Variants in RNLS observed in about 807,000 individuals in gnomAD.
The protein encoded by RNLS is renalase.
A neutral mutation model predicts 39.8 loss-of-function variants in RNLS; 39 were observed. That is an observed-to-expected ratio of 0.98 (90% CI 0.76 to 1.28). RNLS has a LOEUF of 1.28. Among genes scored for constraint, RNLS ranks in the 50% most tolerant of loss-of-function variants. RNLS has a pLI of 0.00. For missense variants in RNLS, 410 were observed against 413.3 expected (o/e 0.99, Z 0.07); for synonymous variants, 147 against 150.7 (o/e 0.98, Z 0.18).
the RNLS span, among the ~76,000 whole-genome samples, chr10:88,188,576 T>C: frequency 6.6e-6 from 1 of 152,230 alleles, no homozygotes; most frequent in African/African-American, 2.4e-5. Flanking sequence ...GCTGCAAGGG[T>C]GCATTGTATA....
At chr10:88,467,243 G>T (rs373162523) in intron 4 of RNLS, among the ~76,000 whole-genome samples, 1 of 150,902 alleles carries the variant, frequency 6.6e-6, no homozygotes, top group Admixed American at 6.6e-5. Context: ...AAAAGGAAAA[G>T]TTTTTTTCAA....
chr10:88,231,676 G>T, the RNLS span, among the ~76,000 whole-genome samples: 3 of 152,108 alleles, frequency 2.0e-5, no homozygotes, highest in Non-Finnish European at 4.4e-5. Context: ...GGGGCGTAAG[G>T]CTGAAACCCC....
rs937879616 is a variant in RNLS at position 88,583,248 on chromosome 10, C to T, written c.-58G>A. The stretch of plus-strand genomic sequence containing the variant: ...CTGCGGCGGGGCCGTTCGGCCCGGG[C>T]TTTCTGGAAAGGCGGCCGAACCGGC... On this transcript the variant is annotated 5_prime_UTR_variant, in exon 1 of 7. Coordinates refer to ENST00000331772, the MANE Select transcript of RNLS (RefSeq NM_001031709.3). 7.3e-5 allele frequency: 117 copies of T among 1,599,386 alleles called. No individual in the cohort carries two copies. The highest frequency in any genetic ancestry group is 1.8e-4 in the Middle Eastern group (1 of 5,708).
intron 4 of RNLS, among the ~76,000 whole-genome samples, chr10:88,413,107 C>A (rs1391657419): frequency 1.3e-5 from 2 of 152,118 alleles, no homozygotes; most frequent in African/African-American, 4.8e-5. Flanking sequence ...TCATATAATG[C>A]ATCGAGGTGG....
At chr10:88,449,716 T>C (rs1200889884) in intron 4 of RNLS, among the ~76,000 whole-genome samples, 1 of 152,130 alleles carries the variant, frequency 6.6e-6, no homozygotes, top group Non-Finnish European at 1.5e-5. Flanking sequence ...AGTTAAGACA[T>C]TAGAGGACAA....
the RNLS span, among the ~76,000 whole-genome samples, chr10:88,188,118 G>A: frequency 1.3e-5 from 2 of 152,042 alleles, no homozygotes; most frequent in African/African-American, 2.4e-5. Context: ...CTGCAGTGGT[G>A]CAATCTCAGC....
chr10:88,264,059 G>A, the RNLS span, among the ~76,000 whole-genome samples: 4 of 152,150 alleles, frequency 2.6e-5, no homozygotes, highest in African/African-American at 9.7e-5. Context: ...TTATGAGTGA[G>A]AACATATGAC....
At chr10:88,500,447 C>T (rs1456153914) in intron 4 of RNLS, among the ~76,000 whole-genome samples, 1 of 152,132 alleles carries the variant, frequency 6.6e-6, no homozygotes, top group Non-Finnish European at 1.5e-5. Context: ...GGAGTCAGTT[C>T]TGGACTCTTG....
intron 3 of RNLS, among the ~76,000 whole-genome samples, chr10:88,575,153 TATATATACACACACAC>T (rs1184511880): frequency 3.8e-5 from 2 of 52,296 alleles, no homozygotes; most frequent in East Asian, 1.4e-3. Flanking sequence ...TATATATATA[TATATATACACACACAC>T]ACACACACAC....
chr10:88,241,636 C>T, the RNLS span, among the ~76,000 whole-genome samples: 6 of 152,286 alleles, frequency 3.9e-5, no homozygotes, highest in Admixed American at 2.0e-4. Context: ...GACACCACCA[C>T]AAGAGTAATT....
chr10:88,289,570 C>T (rs1407448647), intron 6 of RNLS, among the ~76,000 whole-genome samples: 9 of 152,072 alleles, frequency 5.9e-5, no homozygotes, highest in Admixed American at 4.6e-4. Flanking sequence ...TGCTATTTTG[C>T]ACTGTAATGA....
chr10:88,453,151 A>G (rs1469280487), intron 4 of RNLS, among the ~76,000 whole-genome samples: 1 of 152,242 alleles, frequency 6.6e-6, no homozygotes, highest in Admixed American at 6.5e-5. Context: ...GCAAGCGGGT[A>G]TGAATGGTTG....
the RNLS span, among the ~76,000 whole-genome samples, chr10:88,230,492 TGTC>T: frequency 2.1e-3 from 326 of 152,278 alleles, no homozygotes; most frequent in African/African-American, 7.3e-3. Flanking sequence ...CCCGTCTTTC[TGTC>T]GTGCCTTCTT....
At chr10:88,422,988 A>T (rs1463928591) in intron 4 of RNLS, among the ~76,000 whole-genome samples, 2 of 152,110 alleles carry the variant, frequency 1.3e-5, no homozygotes, top group Admixed American at 1.3e-4. Context: ...GCCTCAAGTG[A>T]TCCACCCACC....
At chr10:88,376,370 T>C (rs1850997163) in intron 4 of RNLS, among the ~76,000 whole-genome samples, 1 of 152,148 alleles carries the variant, frequency 6.6e-6, no homozygotes, top group Non-Finnish European at 1.5e-5. Context: ...TTTCAAATAA[T>C]GCATATTGGG....
the RNLS span, among the ~76,000 whole-genome samples, chr10:88,190,674 G>A: frequency 3.9e-5 from 6 of 152,058 alleles, no homozygotes; most frequent in African/African-American, 1.2e-4. Context: ...TGCTATAAGC[G>A]CTTTATGGCC....
chr10:88,341,772 C>T (rs1340335306), intron 5 of RNLS, among the ~76,000 whole-genome samples: 1 of 151,966 alleles, frequency 6.6e-6, no homozygotes, highest in Non-Finnish European at 1.5e-5. Context: ...CTTAAATGTA[C>T]TAAATTGTAA....
downstream of RNLS, among the ~76,000 whole-genome samples, chr10:88,279,171 T>C (rs138711443): frequency 4.0e-3 from 610 of 152,292 alleles, 4 homozygotes; most frequent in South Asian, 0.013. Flanking sequence ...GTAAGAATTT[T>C]TGAAGAGGCC....
At chr10:88,455,092 A>G (rs1842555710) in intron 4 of RNLS, among the ~76,000 whole-genome samples, 1 of 152,186 alleles carries the variant, frequency 6.6e-6, no homozygotes, top group Admixed American at 6.5e-5. Flanking sequence ...GAAGCACACA[A>G]ACTGCCATAT....
Sources: gnomAD v4.1 joint callset for allele counts (sites outside exome capture counted in the v4.1 genomes callset) on GRCh38, gnomAD v4.1.1 for gene constraint, MANE v1.5 for transcripts, NCBI Gene and HGNC (gene_info 2026-07-23, HGNC 2026-07-21) for gene names.